Variants in ZNF804B observed in about 807,000 individuals in gnomAD.
The protein encoded by ZNF804B is zinc finger 804B.
A neutral mutation model predicts 101.4 loss-of-function variants in ZNF804B; 80 were observed. The observed-to-expected ratio is 0.79, with a 90% confidence interval of 0.66 to 0.95. The LOEUF (loss-of-function observed/expected upper bound fraction) is 0.95. Among genes scored for constraint, ZNF804B ranks in the 40% least tolerant of loss-of-function variants. ZNF804B has a pLI of 0.00. For synonymous variants in ZNF804B, 622 were observed against 558.8 expected, an observed-to-expected ratio of 1.11 and a Z score of -1.59; for missense variants, 1,673 against 1,561.9, an observed-to-expected ratio of 1.07 and a Z score of -1.20.
chr7:89,124,607 G>T (rs1292639373), intron 1 of ZNF804B, among the ~76,000 whole-genome samples: 1 of 152,110 alleles, frequency 6.6e-6, no homozygotes, highest in Non-Finnish European at 1.5e-5. Flanking sequence ...GTGAGAAGAA[G>T]TAATTCGTCA....
intron 1 of ZNF804B, among the ~76,000 whole-genome samples, chr7:88,927,758 T>C (rs566051858): frequency 5.9e-4 from 90 of 152,160 alleles, no homozygotes; most frequent in Non-Finnish European, 1.1e-3. Context: ...TCTCTAACTT[T>C]TGTACCCTTA....
chr7:89,177,650 G>C (rs1348667009), intron 1 of ZNF804B, among the ~76,000 whole-genome samples: 1 of 152,104 alleles, frequency 6.6e-6, no homozygotes, highest in Admixed American at 6.6e-5. Flanking sequence ...ATAAGTCTTA[G>C]GTTTCTTTGT....
At chr7:89,033,793 A>C (rs1788878912) in intron 1 of ZNF804B, among the ~76,000 whole-genome samples, 1 of 152,148 alleles carries the variant, frequency 6.6e-6, no homozygotes, top group Non-Finnish European at 1.5e-5. Flanking sequence ...GAATTTAAAG[A>C]AGAAAATATT....
chr7:89,284,037 T>TA (rs1790139612), intron 2 of ZNF804B, among the ~76,000 whole-genome samples: 1 of 152,208 alleles, frequency 6.6e-6, no homozygotes, highest in Admixed American at 6.5e-5. Flanking sequence ...TTATAAAATG[T>TA]AAAAATTTAT....
intron 1 of ZNF804B, among the ~76,000 whole-genome samples, chr7:89,171,362 C>CT (rs1791230431): frequency 1.2e-5 from 1 of 86,694 alleles, no homozygotes; most frequent in African/African-American, 4.2e-5. Flanking sequence ...CTTCTTCCTC[C>CT]TCTTCCTCTT....
intron 1 of ZNF804B, among the ~76,000 whole-genome samples, chr7:89,144,343 T>C (rs893222318): frequency 1.5e-4 from 23 of 152,010 alleles, no homozygotes; most frequent in African/African-American, 5.3e-4. Context: ...AATGAGTAGG[T>C]GAAAGTCAGT....
chr7:88,794,122 T>C (rs1790429547), intron 1 of ZNF804B: 1 of 1,400,952 alleles, frequency 7.1e-7, no homozygotes, highest in East Asian at 2.4e-5. Flanking sequence ...TAAAAATGTT[T>C]TTTTTATTTA....
intron 1 of ZNF804B, among the ~76,000 whole-genome samples, chr7:89,207,020 A>T (rs944050230): frequency 9.2e-5 from 14 of 152,152 alleles, no homozygotes; most frequent in Non-Finnish European, 1.6e-4. Flanking sequence ...TTTATTGTCC[A>T]TGTTGCTGTC....
At chr7:88,988,920 A>G (rs1488772399) in intron 1 of ZNF804B, among the ~76,000 whole-genome samples, 4 of 152,268 alleles carry the variant, frequency 2.6e-5, no homozygotes, top group South Asian at 4.1e-4. Flanking sequence ...CCAACCTTAA[A>G]TGTATCTTAA....
intron 1 of ZNF804B, among the ~76,000 whole-genome samples, chr7:88,822,489 A>G (rs1223827803): frequency 6.6e-6 from 1 of 152,158 alleles, no homozygotes; most frequent in Non-Finnish European, 1.5e-5. Flanking sequence ...TACTTCTTTC[A>G]GCTTGGGAAA....
chr7:88,775,000 A>G (rs1562790166), intron 1 of ZNF804B, among the ~76,000 whole-genome samples: 1 of 152,214 alleles, frequency 6.6e-6, no homozygotes, highest in Admixed American at 6.5e-5. Context: ...CTTACTACAT[A>G]CTGGGTACTG....
intron 1 of ZNF804B, among the ~76,000 whole-genome samples, chr7:89,212,131 AC>A (rs1395739545): frequency 6.6e-6 from 1 of 151,954 alleles, no homozygotes; most frequent in African/African-American, 2.4e-5. Context: ...GAGATAGTGG[AC>A]TAAAGGTGAT....
intron 3 of ZNF804B, among the ~76,000 whole-genome samples, chr7:89,331,300 G>C (rs73388515): frequency 0.013 from 1,936 of 151,758 alleles, 35 homozygotes; most frequent in African/African-American, 0.043. Flanking sequence ...GCAGGCTGGA[G>C]GCACTTTCAA....
At position 89,336,269 on chromosome 7, in the gene ZNF804B, T is replaced by C. The variant is rs763815136; in HGVS notation, c.3287T>C (p.Ile1096Thr). The change falls in exon 4 of 4, where the codon ATA becomes ACA. Residue 1096 changes from isoleucine to threonine, a missense_variant. By Grantham distance (89) the Ile-to-Thr change is moderately conservative. Transcript: ENST00000333190. ...TCAACAGAGACCCAAGAAGACCAAATAAATCTAGACTTACAGGATGTAAGC... is the reference window on the plus strand; with the variant it reads ...TCAACAGAGACCCAAGAAGACCAAACAAATCTAGACTTACAGGATGTAAGC... ...TDSTETQEDQ[I>T]NLDLQDVSMH... 8.7e-5 allele frequency: 141 copies of C among 1,613,774 alleles called. No individual in the cohort carries two copies. The South Asian group carries it at 1.4e-3, about 16-fold the overall frequency.
intron 1 of ZNF804B, among the ~76,000 whole-genome samples, chr7:88,945,894 T>C (rs550216448): frequency 2.0e-5 from 3 of 152,240 alleles, no homozygotes; most frequent in African/African-American, 7.2e-5. Context: ...TCCGTTTGTC[T>C]ATTATTGGTG....
At chr7:88,867,700 G>A (rs1287543200) in intron 1 of ZNF804B, among the ~76,000 whole-genome samples, 3 of 152,100 alleles carry the variant, frequency 2.0e-5, no homozygotes, top group Non-Finnish European at 4.4e-5. Flanking sequence ...ACAATATGTT[G>A]AAAATAATGT....
At chr7:89,191,949 A>T (rs1310972866) in intron 1 of ZNF804B, among the ~76,000 whole-genome samples, 1 of 152,120 alleles carries the variant, frequency 6.6e-6, no homozygotes, top group Non-Finnish European at 1.5e-5. Flanking sequence ...TATGAATATA[A>T]TTTTCATTTT....
intron 1 of ZNF804B, among the ~76,000 whole-genome samples, chr7:88,799,123 T>C (rs992437871): frequency 6.6e-6 from 1 of 152,116 alleles, no homozygotes; most frequent in Non-Finnish European, 1.5e-5. Context: ...TACACCTTAC[T>C]ATTACTGATA....
chr7:89,275,089 A>G (rs1789958861), intron 2 of ZNF804B, among the ~76,000 whole-genome samples: 1 of 151,976 alleles, frequency 6.6e-6, no homozygotes, highest in Non-Finnish European at 1.5e-5. Context: ...GCATCTGAAA[A>G]TTATCTAGAC....
Sources: allele counts gnomAD v4.1 joint callset (sites outside exome capture counted in the v4.1 genomes callset), GRCh38; gene constraint gnomAD v4.1.1; transcripts MANE v1.5; gene names NCBI Gene and HGNC (gene_info 2026-07-23, HGNC 2026-07-21).